The following NBDY variants were observed in gnomAD, a reference collection of about 807,000 sequenced individuals.
The protein encoded by NBDY is negative regulator of P-body association.
chrX:56,752,901 G>A (rs1046263282), intron 2 of NBDY, among the ~76,000 whole-genome samples: 11 of 111,877 alleles, frequency 9.8e-5, no homozygotes, highest in South Asian at 3.7e-4. Context: ...ATGAGCCACC[G>A]TACCCAGCCA....
intron 2 of NBDY, among the ~76,000 whole-genome samples, chrX:56,745,744 T>C (rs1392473085): frequency 9.0e-6 from 1 of 110,963 alleles, no homozygotes; most frequent in East Asian, 2.8e-4. Flanking sequence ...TTTTTTTTCT[T>C]GTCCTTTTTT....
intron 2 of NBDY, among the ~76,000 whole-genome samples, chrX:56,794,750 G>T (rs768859363): frequency 2.0e-4 from 23 of 112,416 alleles, no homozygotes; most frequent in Admixed American, 1.4e-3. Context: ...GAAGAGACCA[G>T]GCCGAATGCT....
intron 2 of NBDY, among the ~76,000 whole-genome samples, chrX:56,752,250 T>C (rs2069589493): frequency 8.9e-6 from 1 of 112,199 alleles, no homozygotes; most frequent in South Asian, 3.7e-4. Flanking sequence ...AATTGGTAGC[T>C]CTGTTTTAAA....
chrX:56,794,348 T>C (rs977397407), intron 2 of NBDY, among the ~76,000 whole-genome samples: 2 of 111,249 alleles, frequency 1.8e-5, no homozygotes, highest in Non-Finnish European at 3.8e-5. Context: ...GTCTTCTTCT[T>C]CCCCCACTGT....
At chrX:56,787,785 C>T (rs895440773) in intron 2 of NBDY, among the ~76,000 whole-genome samples, 2 of 112,380 alleles carry the variant, frequency 1.8e-5, no homozygotes, top group African/African-American at 6.5e-5. Context: ...TGTTGAGTGT[C>T]CCCTGTGAGG....
At position 56,818,027 on chromosome X, in the gene NBDY, G is replaced by T. The variant is rs1425473228; in HGVS notation, c.*874G>T. 1 of 111,318 alleles carries T rather than the reference G, an allele frequency of 9.0e-6. No homozygotes were observed. Among genetic ancestry groups the T allele is most frequent in the Non-Finnish European group, 1.9e-5 (1 of 53,017 alleles). The allele number at this position is 111,318 out of a possible 1,213,427, so 9.2% of individuals were successfully genotyped here. A position where few individuals can be genotyped will look rare whatever the true frequency, so the allele number is the denominator to read the frequency against. On this transcript the variant is annotated 3_prime_UTR_variant, in exon 3 of 3. Coordinates refer to ENST00000374922, the MANE Select transcript of NBDY (RefSeq NM_001348129.2). ...ATACAAGTAAAATGGGAAAACATTAGATAGCAGCTTTCAATATTTCATATA... is the reference window on the plus strand; with the variant it reads ...ATACAAGTAAAATGGGAAAACATTATATAGCAGCTTTCAATATTTCATATA...
chrX:56,806,268 C>T (rs2069849507), intron 2 of NBDY, among the ~76,000 whole-genome samples: 1 of 111,716 alleles, frequency 9.0e-6, no homozygotes, highest in South Asian at 3.8e-4. Flanking sequence ...TGAACAGTCC[C>T]GCAGTAAACA....
chrX:56,751,980 T>C (rs934273290), intron 2 of NBDY, among the ~76,000 whole-genome samples: 4 of 111,890 alleles, frequency 3.6e-5, no homozygotes, highest in African/African-American at 1.3e-4. Context: ...CTGCATTAAT[T>C]CATTTAGGAT....
At chrX:56,758,962 A>G (rs1363349243) in intron 2 of NBDY, among the ~76,000 whole-genome samples, 1 of 112,151 alleles carries the variant, frequency 8.9e-6, no homozygotes, top group Non-Finnish European at 1.9e-5. Context: ...GTGCAAAGCC[A>G]TGACCCCGTT....
intron 2 of NBDY, among the ~76,000 whole-genome samples, chrX:56,802,463 GCA>G (rs2069828658): frequency 2.4e-5 from 2 of 81,973 alleles, no homozygotes; most frequent in Admixed American, 1.9e-4. Context: ...AGGACAGCCT[GCA>G]CAGAGTCAGA....
chrX:56,800,446 G>A (rs1260398349), intron 2 of NBDY, among the ~76,000 whole-genome samples: 1 of 111,249 alleles, frequency 9.0e-6, no homozygotes, highest in Non-Finnish European at 1.9e-5. Flanking sequence ...GTGTGGGATG[G>A]TGTGGGGGTG....
chrX:56,805,588 T>C (rs771559520), intron 2 of NBDY, among the ~76,000 whole-genome samples: 1 of 111,243 alleles, frequency 9.0e-6, no homozygotes, highest in African/African-American at 3.3e-5. Context: ...GGGGTGGTGG[T>C]GGGGGCAGTG....
intron 2 of NBDY, 38 bp downstream of exon 2, chrX:56,732,237 G>GA (rs1341443598): frequency 1.7e-5 from 5 of 288,544 alleles, no homozygotes; most frequent in South Asian, 2.2e-4. Context: ...AGGAGGAAGA[G>GA]AAAAAAAAGA....
At chrX:56,740,102 A>G (rs925612071) in intron 2 of NBDY, among the ~76,000 whole-genome samples, 21 of 111,766 alleles carry the variant, frequency 1.9e-4, no homozygotes, top group Non-Finnish European at 3.2e-4. Context: ...TGCCCATTCA[A>G]GTTGGCTCCC....
intron 2 of NBDY, among the ~76,000 whole-genome samples, chrX:56,761,444 T>G (rs1297596547): frequency 8.8e-6 from 1 of 113,117 alleles, no homozygotes; most frequent in Non-Finnish European, 1.9e-5. Context: ...TCTGTGCACA[T>G]GCAGTGCAGA....
rs766655423 is a variant in NBDY, at chrX:56,762,860, C to T, written c.*166+30661C>T. Among the ~76,000 whole-genome samples the T allele has an allele frequency of 3.6e-5, 4 of 111,703 alleles. No individual in the cohort carries two copies. The South Asian group carries it at 1.5e-3, about 42-fold the overall frequency. On this transcript the variant is annotated intron_variant, in intron 2 of 2. Transcript: ENST00000374922. ...CCTCAGAAATGAAATCACAAACACA[C>T]CCGCACACAGAGACACATGCAGACA...
chrX:56,736,619 C>T (rs1165768596), intron 2 of NBDY, among the ~76,000 whole-genome samples: 5 of 112,763 alleles, frequency 4.4e-5, no homozygotes, highest in African/African-American at 1.6e-4. Flanking sequence ...AAACTTTTAA[C>T]TGATGAGTAT....
At chrX:56,814,710 G>A (rs1244919915) in intron 2 of NBDY, among the ~76,000 whole-genome samples, 1 of 110,571 alleles carries the variant, frequency 9.0e-6, no homozygotes, top group East Asian at 2.8e-4. Context: ...GGCCCGGATG[G>A]CCTCCATCTC....
chrX:56,734,954 G>A (rs1044811288), intron 2 of NBDY, among the ~76,000 whole-genome samples: 11 of 111,952 alleles, frequency 9.8e-5, no homozygotes, highest in East Asian at 5.6e-4. Context: ...ACTGAAGCAC[G>A]GAGAGGTTAA....
Sources: gnomAD v4.1 joint callset for allele counts (sites outside exome capture counted in the v4.1 genomes callset) on GRCh38, gnomAD v4.1.1 for gene constraint, MANE v1.5 for transcripts, NCBI Gene and HGNC (gene_info 2026-07-23, HGNC 2026-07-21) for gene names.